Variants in CFAP44 observed in about 807,000 individuals in gnomAD.
CFAP44 encodes the protein cilia- and flagella-associated protein 44.
A neutral mutation model predicts 216.2 loss-of-function variants in CFAP44; 134 were observed. The observed-to-expected ratio is 0.62, with a 90% confidence interval of 0.54 to 0.72. The LOEUF is 0.72. CFAP44 is among the 30% of genes least tolerant of loss of function. The pLI is 0.00. For missense variants in CFAP44, 2,035 were observed against 2,182.1 expected (o/e 0.93, Z 1.34); for synonymous variants, 700 against 727.6 (o/e 0.96, Z 0.61).
intron 9 of CFAP44, 100 bp downstream of exon 9, chr3:113,403,752 G>A (rs532760623): frequency 6.1e-5 from 82 of 1,337,926 alleles, no homozygotes; most frequent in Admixed American, 1.4e-4. Context: ...AATGACTACT[G>A]ATCTCCTTCA....
intron 7 of CFAP44, among the ~76,000 whole-genome samples, chr3:113,407,582 T>G (rs894475247): frequency 1.3e-5 from 2 of 152,228 alleles, no homozygotes; most frequent in African/African-American, 2.4e-5. Flanking sequence ...TGTGCCTTCA[T>G]TTTCTCAGGT....
chr3:113,404,537 A>G (rs1225202438), intron 8 of CFAP44, among the ~76,000 whole-genome samples: 1 of 152,216 alleles, frequency 6.6e-6, no homozygotes, highest in Non-Finnish European at 1.5e-5. Context: ...TTGTTAAGAT[A>G]TTTAACAAGT....
intron 15 of CFAP44, among the ~76,000 whole-genome samples, chr3:113,387,412 C>T (rs970544131): frequency 1.3e-5 from 2 of 152,142 alleles, no homozygotes; most frequent in African/African-American, 4.8e-5. Context: ...CCCTAGGTCC[C>T]AGATGATATC....
chr3:113,425,483 C>A (rs969731293), intron 4 of CFAP44, among the ~76,000 whole-genome samples: 1 of 152,220 alleles, frequency 6.6e-6, no homozygotes, highest in Non-Finnish European at 1.5e-5. Flanking sequence ...CTCTTATTCT[C>A]CAAACCAATT....
intron 20 of CFAP44, 33 bp from the exon 21 acceptor site, chr3:113,363,340 G>T (rs1374642196): frequency 1.9e-6 from 3 of 1,584,318 alleles, no homozygotes. Flanking sequence ...ATAACAGGTT[G>T]TGATACAGAA....
chr3:113,374,882 C>A (rs1404756552), intron 17 of CFAP44, among the ~76,000 whole-genome samples: 1 of 152,196 alleles, frequency 6.6e-6, no homozygotes, highest in African/African-American at 2.4e-5. Context: ...GTGATCCACC[C>A]GCCTTGACCT....
At chr3:113,432,100 A>G (rs777129029) in intron 2 of CFAP44, 18 of 152,338 alleles carry the variant, frequency 1.2e-4, no homozygotes, top group Non-Finnish European at 1.6e-4. Context: ...CCAGGACTCA[A>G]AACCAAAGTC....
At chr3:113,347,909 C>T (rs1415840539) in intron 22 of CFAP44, among the ~76,000 whole-genome samples, 1 of 152,086 alleles carries the variant, frequency 6.6e-6, no homozygotes, top group Non-Finnish European at 1.5e-5. Flanking sequence ...CAGTAAGGGC[C>T]ACTAAATCCG....
At chr3:113,308,660 G>A (rs1441230661) in intron 28 of CFAP44, among the ~76,000 whole-genome samples, 1 of 151,276 alleles carries the variant, frequency 6.6e-6, no homozygotes, top group Non-Finnish European at 1.5e-5. Flanking sequence ...ATGCAATCTT[G>A]GCTGACTGCA....
intron 14 of CFAP44, 104 bp downstream of exon 14, chr3:113,396,414 T>G: frequency 1.6e-6 from 2 of 1,259,634 alleles, no homozygotes; most frequent in Non-Finnish European, 2.2e-6. Flanking sequence ...AATATATTGA[T>G]AGAAAATGAA....
rs772545554 is a variant in CFAP44, at chr3:113,366,022, GTTAA to G, written c.2715+13_2715+16del. On this transcript the variant is annotated intron_variant, in intron 19 of 34. Coordinates refer to ENST00000393845, the MANE Select transcript of CFAP44 (RefSeq NM_001164496.2). ...AATACAGTTTGTTATTAATTAACTG[GTTAA>G]TTAATTACATACCCTGGGAGATGGA... 49 of 1,578,718 alleles carry G rather than the reference GTTAA, an allele frequency of 3.1e-5. No individual in the cohort carries two copies. The highest frequency in any genetic ancestry group is 4.0e-5 in the Non-Finnish European group (47 of 1,162,758).
intron 6 of CFAP44, among the ~76,000 whole-genome samples, chr3:113,409,674 A>G: frequency 6.6e-6 from 1 of 152,164 alleles, no homozygotes; most frequent in East Asian, 1.9e-4. Flanking sequence ...TGAGGCTGAG[A>G]CCTACTGGGC....
intron 28 of CFAP44, 82 bp downstream of exon 28, chr3:113,326,363 G>A: frequency 1.6e-6 from 2 of 1,271,928 alleles, no homozygotes; most frequent in Non-Finnish European, 2.1e-6. Context: ...AAAAAATAAG[G>A]TATCTAATAG....
At position 113,304,029 on chromosome 3, in the gene CFAP44, C is replaced by T. The variant is rs568986662; in HGVS notation, c.4964G>A (p.Arg1655Gln). ...SNHALRRLQERIHELQEENSK... is the reference protein window; with the variant it reads ...SNHALRRLQEQIHELQEENSK... ...ATTTTCCTCCTGGAGCTCATGGATT[C>T]GTTCTTGCAGCCGTCTCAAGGCATG... Residue 1655 changes from arginine to glutamine, a missense_variant, in exon 32 of 35, where the codon CGA (arginine) becomes CAA (glutamine). Physicochemically the swap from Arg to Gln is conservative, Grantham distance 43. Around this residue, in one of 3 missense-constraint regions of CFAP44, gnomAD observed 1,883 missense variants for 2,023.7 expected, o/e 0.93. Transcript: ENST00000393845. The T allele has an allele frequency of 3.3e-5, 51 of 1,537,300 alleles. No individual in the cohort carries two copies. The Admixed American group carries it at 4.1e-4, about 12-fold the overall frequency.
At chr3:113,300,368 ATTGT>A (rs1239916790) in intron 32 of CFAP44, among the ~76,000 whole-genome samples, 1 of 151,992 alleles carries the variant, frequency 6.6e-6, no homozygotes, top group Non-Finnish European at 1.5e-5. Flanking sequence ...GTATAATCGG[ATTGT>A]TTGTAACATA....
chr3:113,302,807 A>T (rs2107791401), intron 32 of CFAP44, among the ~76,000 whole-genome samples: 1 of 151,648 alleles, frequency 6.6e-6, no homozygotes, highest in Admixed American at 6.6e-5. Flanking sequence ...AGAAAAGAAA[A>T]AAGACAAGTT....
chr3:113,397,485 G>A (rs2107356273), intron 13 of CFAP44: 1 of 152,384 alleles, frequency 6.6e-6, no homozygotes, highest in African/African-American at 2.4e-5. Context: ...CCAGGGGGAA[G>A]TGGTAGTGAC....
chr3:113,436,311 T>C (rs1263960557), intron 1 of CFAP44, among the ~76,000 whole-genome samples: 1 of 152,140 alleles, frequency 6.6e-6, no homozygotes, highest in Non-Finnish European at 1.5e-5. Flanking sequence ...CCACATACTG[T>C]GGGTAAAATT....
At chr3:113,291,832 G>A in intron 34 of CFAP44, 84 bp from the exon 35 acceptor site, 1 of 1,418,458 alleles carries the variant, frequency 7.0e-7, no homozygotes, top group Non-Finnish European at 9.4e-7. Context: ...TCTGTGATGA[G>A]TGCTGGCCTG....
Sources: allele counts gnomAD v4.1 joint callset (sites outside exome capture counted in the v4.1 genomes callset), GRCh38; gene constraint gnomAD v4.1.1; regional missense constraint gnomAD v4.1.1; transcripts MANE v1.5; gene names NCBI Gene and HGNC (gene_info 2026-07-23, HGNC 2026-07-21).